Variants in CAST observed in about 807,000 individuals in gnomAD.
CAST encodes calpastatin.
Under a neutral mutation model 119.6 loss-of-function variants are expected in CAST, and 76 were observed. That is an observed-to-expected ratio of 0.64 (90% CI 0.53 to 0.77). CAST has a LOEUF of 0.77. Ranked by LOEUF, CAST falls within the 30% of genes least tolerant of loss-of-function variation. The pLI is 0.00. For missense variants in CAST, 953 were observed against 946.5 expected (o/e 1.01, Z -0.09); for synonymous variants, 319 against 331.6 (o/e 0.96, Z 0.41).
chr5:96,361,901 T>A, the CAST span, among the ~76,000 whole-genome samples: 1 of 150,754 alleles, frequency 6.6e-6, no homozygotes. Context: ...TCATTACATA[T>A]GTATACATGT....
At chr5:96,074,677 G>A in the CAST span, among the ~76,000 whole-genome samples, 1 of 152,182 alleles carries the variant, frequency 6.6e-6, no homozygotes, top group Non-Finnish European at 1.5e-5. Flanking sequence ...GAATGAGAAG[G>A]CATATTTTAC....
At chr5:96,748,195 T>TA (rs538854573) in intron 18 of CAST, among the ~76,000 whole-genome samples, 1 of 152,146 alleles carries the variant, frequency 6.6e-6, no homozygotes, top group African/African-American at 2.4e-5. Flanking sequence ...TAATCACATT[T>TA]AAAAAAATTA....
the CAST span, among the ~76,000 whole-genome samples, chr5:96,360,012 A>T: frequency 6.6e-6 from 1 of 152,034 alleles, no homozygotes; most frequent in African/African-American, 2.4e-5. Context: ...TCCCATGTTT[A>T]TTGGAGGCTT....
At chr5:96,198,922 A>G in the CAST span, among the ~76,000 whole-genome samples, 21 of 152,260 alleles carry the variant, frequency 1.4e-4, no homozygotes, top group Admixed American at 2.6e-4. Flanking sequence ...TTCATGTTCC[A>G]TATCATTCCT....
At chr5:95,963,725 C>CTCTTTTTTTTTTTTTTTTTTTTTTTTTT in the CAST span, among the ~76,000 whole-genome samples, 2 of 129,990 alleles carry the variant, frequency 1.5e-5, no homozygotes, top group African/African-American at 6.0e-5. Flanking sequence ...TTCTCTCTCT[C>CTCTTTTTTTTTTTTTTTTTTTTTTTTTT]TTTTTTTTTT....
chr5:95,965,784 T>G, the CAST span, among the ~76,000 whole-genome samples: 1 of 152,240 alleles, frequency 6.6e-6, no homozygotes, highest in East Asian at 1.9e-4. Flanking sequence ...TTAAAAGTAC[T>G]TCAGCAGATA....
the CAST span, among the ~76,000 whole-genome samples, chr5:96,322,061 T>A: frequency 2.0e-5 from 3 of 152,190 alleles, no homozygotes; most frequent in South Asian, 2.1e-4. Context: ...AAATAATTCT[T>A]CTACTCCTTG....
chr5:96,679,094 C>CG (rs138231335), intron 2 of CAST, among the ~76,000 whole-genome samples: 3,523 of 152,010 alleles, frequency 0.023, 141 homozygotes, highest in African/African-American at 0.08. Context: ...TGACCTCCCC[C>CG]GCTCAAGTAA....
At chr5:96,646,341 T>A (rs1748014025) in intron 1 of CAST, among the ~76,000 whole-genome samples, 1 of 152,204 alleles carries the variant, frequency 6.6e-6, no homozygotes. Flanking sequence ...CAGCATCGTT[T>A]AATAACAGGG....
the CAST span, among the ~76,000 whole-genome samples, chr5:96,072,299 G>C: frequency 6.6e-6 from 1 of 152,100 alleles, no homozygotes; most frequent in African/African-American, 2.4e-5. Context: ...GGACTTGAAA[G>C]AACAATTTTG....
At chr5:95,987,541 A>C in the CAST span, among the ~76,000 whole-genome samples, 1 of 152,148 alleles carries the variant, frequency 6.6e-6, no homozygotes, top group Non-Finnish European at 1.5e-5. Flanking sequence ...CAACTAGTAC[A>C]CAGCCAGTGT....
the CAST span, among the ~76,000 whole-genome samples, chr5:96,077,755 C>A: frequency 1.3e-5 from 2 of 152,152 alleles, no homozygotes; most frequent in South Asian, 2.1e-4. Context: ...GTGGAAGCAG[C>A]TTGATGCCCT....
At chr5:96,050,625 T>C in the CAST span, among the ~76,000 whole-genome samples, 1 of 151,946 alleles carries the variant, frequency 6.6e-6, no homozygotes, top group African/African-American at 2.4e-5. Context: ...TTAGGAAGAG[T>C]AGACGTGGTT....
intron 1 of CAST, among the ~76,000 whole-genome samples, chr5:96,625,998 A>T (rs1747712910): frequency 6.6e-6 from 1 of 152,168 alleles, no homozygotes; most frequent in South Asian, 2.1e-4. Context: ...CCTCCTCAGG[A>T]GTCAGGCCTG....
upstream of CAST, among the ~76,000 whole-genome samples, chr5:96,524,207 T>C (rs1163368586): frequency 2.0e-5 from 3 of 152,222 alleles, no homozygotes; most frequent in African/African-American, 7.2e-5. Flanking sequence ...TTCCTCATAC[T>C]GAAAAGGCCA....
intron 1 of CAST, among the ~76,000 whole-genome samples, chr5:96,597,264 C>A (rs192934087): frequency 5.3e-5 from 8 of 152,278 alleles, no homozygotes; most frequent in African/African-American, 1.9e-4. Flanking sequence ...CAGAATATGT[C>A]AAGGAATTTA....
At chr5:96,244,295 A>G in the CAST span, among the ~76,000 whole-genome samples, 7 of 152,240 alleles carry the variant, frequency 4.6e-5, no homozygotes, top group Admixed American at 2.0e-4. Flanking sequence ...AGCTCCAAAC[A>G]TTGCAATTAA....
chr5:96,616,377 T>C (rs1477245340), intron 1 of CAST, among the ~76,000 whole-genome samples: 1 of 152,152 alleles, frequency 6.6e-6, no homozygotes, highest in Non-Finnish European at 1.5e-5. Context: ...GAGGTCCTAC[T>C]GAAGAGTCAG....
the CAST span, among the ~76,000 whole-genome samples, chr5:96,167,894 G>GA: frequency 1.3e-5 from 2 of 152,064 alleles, no homozygotes; most frequent in Admixed American, 6.5e-5. Flanking sequence ...GAAGTGGGTG[G>GA]GGGGGCCTGA....
Sources: gnomAD v4.1 joint callset for allele counts (sites outside exome capture counted in the v4.1 genomes callset) on GRCh38, gnomAD v4.1.1 for gene constraint, MANE v1.5 for transcripts, NCBI Gene and HGNC (gene_info 2026-07-23, HGNC 2026-07-21) for gene names.